The following PTGS1 variants were observed in gnomAD, a reference collection of about 807,000 sequenced individuals.
PTGS1 encodes the protein prostaglandin G/H synthase 1.
PTGS1 carries 40 observed loss-of-function variants against 63.0 expected under a neutral mutation model. That is an observed-to-expected ratio of 0.63 (90% CI 0.49 to 0.83). The LOEUF (loss-of-function observed/expected upper bound fraction) is 0.83. Among genes scored for constraint, PTGS1 ranks in the 40% least tolerant of loss-of-function variants. PTGS1 has a pLI of 0.00. For missense variants in PTGS1, 709 were observed against 786.5 expected, an observed-to-expected ratio of 0.90 and a Z score of 1.18; for synonymous variants, 298 against 301.9, an observed-to-expected ratio of 0.99 and a Z score of 0.13.
At chr9:122,383,164 T>G (rs1333886251) in intron 7 of PTGS1, among the ~76,000 whole-genome samples, 1 of 151,490 alleles carries the variant, frequency 6.6e-6, no homozygotes, top group Non-Finnish European at 1.5e-5. Flanking sequence ...AGTCAGCTCA[T>G]GATGCAAGAT....
chr9:122,386,385 C>A, intron 8 of PTGS1, 61 bp from the exon 9 acceptor site: 1 of 1,567,426 alleles, frequency 6.4e-7, no homozygotes, highest in South Asian at 1.2e-5. Context: ...GCCTGCTTTC[C>A]AAGCTGGGCA....
intron 4 of PTGS1, 26 bp downstream of exon 4, chr9:122,378,599 C>T: frequency 1.2e-6 from 2 of 1,614,024 alleles, no homozygotes; most frequent in Non-Finnish European, 8.5e-7. Flanking sequence ...GGCCCCCTGA[C>T]CTGGGGGAGC....
intron 5 of PTGS1, among the ~76,000 whole-genome samples, chr9:122,380,430 A>G (rs60185476): frequency 0.13 from 20,450 of 151,812 alleles, 1,508 homozygotes; most frequent in African/African-American, 0.17. Context: ...GCGGCACTGC[A>G]CTCTGGCCTG....
chr9:122,381,706 T>G lies in PTGS1; in HGVS notation c.721T>G (p.Tyr241Asp). ...HIYGDNLERQ[Y>D]QLRLFKDGKL... ...TTATGGAGACAATCTGGAGCGTCAG[T>G]ATCAACTGCGGCTCTTTAAGGATGG... The change falls in exon 7 of 11, where the codon TAT becomes GAT. Residue 241 changes from tyrosine to aspartate, a missense_variant. Transcript: ENST00000362012. The G allele has an allele frequency of 6.2e-7, 1 of 1,614,176 alleles. No individual in the cohort carries two copies.
rs1051506925 is a variant in PTGS1 at position 122,393,940 on chromosome 9, C to G, written c.*1396C>G. 1 of 152,250 alleles carries G rather than the reference C, an allele frequency of 6.6e-6. No individual in the cohort carries two copies. Among genetic ancestry groups the G allele is most frequent in the African/African-American group, 2.4e-5 (1 of 41,452 alleles). 9.4% of individuals were successfully genotyped at this position (152,250 alleles called of 1,614,324 possible). A position where few individuals can be genotyped will look rare whatever the true frequency, so the allele number is the denominator to read the frequency against. On this transcript the variant is annotated 3_prime_UTR_variant, in exon 11 of 11. Coordinates refer to ENST00000362012, the MANE Select transcript of PTGS1 (RefSeq NM_000962.4). ...CTAAGTGTTTACTATGTGCCAGTTCCTGTAACAGGTGTGGGGACACAGCAG... is the reference window on the plus strand; with the variant it reads ...CTAAGTGTTTACTATGTGCCAGTTCGTGTAACAGGTGTGGGGACACAGCAG...
At position 122,388,293 on chromosome 9, in the gene PTGS1, G is replaced by A. The variant is rs113788796; in HGVS notation, c.1296+1561G>A. The stretch of plus-strand genomic sequence containing the variant: ...ACTCCTGGGCTCAAGCGATCTGCCC[G>A]CCTAGGCCTCTCAAGGTGCTGGGAT... On this transcript the variant is annotated intron_variant, in intron 9 of 10. Coordinates refer to ENST00000362012, the MANE Select transcript of PTGS1 (RefSeq NM_000962.4). Among the ~76,000 whole-genome samples the A allele has an allele frequency of 5.7e-3, 870 of 152,112 alleles. 8 individuals carry two copies. Among genetic ancestry groups the A allele is most frequent in the Non-Finnish European group, 7.0e-3 (474 of 68,012 alleles).
intron 2 of PTGS1, among the ~76,000 whole-genome samples, chr9:122,377,436 T>G (rs1009363240): frequency 6.6e-5 from 10 of 151,976 alleles, no homozygotes; most frequent in Admixed American, 1.3e-4. Context: ...CTGGGAGAAG[T>G]CCCCGTCCTC....
Position 122,394,474 on chromosome 9 carries a change from C to G in PTGS1, c.*1930C>G, listed in dbSNP as rs184857571. ...GGAATGCAATCCTTCCCTGCTCTTGCAGTTGCTCTGACGTAGAAAGATCCT... is the reference window on the plus strand; with the variant it reads ...GGAATGCAATCCTTCCCTGCTCTTGGAGTTGCTCTGACGTAGAAAGATCCT... On this transcript the variant is annotated 3_prime_UTR_variant, in exon 11 of 11. Coordinates refer to ENST00000362012, the MANE Select transcript of PTGS1 (RefSeq NM_000962.4). The G allele has an allele frequency of 6.6e-6, 1 of 152,336 alleles. No individual in the cohort carries two copies. The highest frequency in any genetic ancestry group is 2.4e-5 in the African/African-American group (1 of 41,576). The allele number at this position is 152,336 out of a possible 1,614,324, so 9.4% of individuals were successfully genotyped here. A position where few individuals can be genotyped will look rare whatever the true frequency, so the allele number is the denominator to read the frequency against.
intron 10 of PTGS1, among the ~76,000 whole-genome samples, chr9:122,391,398 C>CGTGT (rs1564147498): frequency 2.1e-5 from 2 of 93,180 alleles, no homozygotes; most frequent in African/African-American, 7.0e-5. Flanking sequence ...TATATATATA[C>CGTGT]ATATATATAT....
Position 122,375,302 on chromosome 9 carries a change from G to A in PTGS1, c.95-2597G>A, listed in dbSNP as rs374663959. ...CTTGGCAGGGAGGGTGTGGGCAGCC[G>A]TTCCAGCTTCAGCGTCTGGAGCTTG... On this transcript the variant is annotated intron_variant, in intron 2 of 10. Coordinates refer to ENST00000362012, the MANE Select transcript of PTGS1 (RefSeq NM_000962.4). 6.9e-5 allele frequency: 68 copies of A among 985,486 alleles called. No homozygotes were observed. In the South Asian group the frequency reaches 9.4e-4, roughly 14 times the overall value. 61.0% of individuals were successfully genotyped at this position (985,486 alleles called of 1,614,324 possible). A position where few individuals can be genotyped will look rare whatever the true frequency, so the allele number is the denominator to read the frequency against.
In PTGS1 at chr9:122,383,553, T is replaced by A; in HGVS notation, c.807T>A (p.Pro269=). ...ACCCGCCCTCGGTAGAAGAGGCGCC[T>A]GTGTTGATGCACTACCCCCGAGGCA... ...EMYPPSVEEA[P]VLMHYPRGIP... is the part of the protein sequence containing the mutation. The change falls in exon 8 of 11, where the codon CCT becomes CCA. Residue 269 remains proline (P), a synonymous_variant. Coordinates refer to ENST00000362012, the MANE Select transcript of PTGS1 (RefSeq NM_000962.4). 1.2e-6 allele frequency: 2 copies of A among 1,613,816 alleles called. No homozygotes were observed. The highest frequency in any genetic ancestry group is 1.3e-5 in the African/African-American group (1 of 75,010).
intron 2 of PTGS1, chr9:122,375,233 G>A (rs898659659): frequency 6.4e-6 from 6 of 941,164 alleles, no homozygotes; most frequent in African/African-American, 1.8e-5. Context: ...GAAGCTGGAT[G>A]GGCCGGACTG....
chr9:122,382,434 T>G (rs1295291694), intron 7 of PTGS1, among the ~76,000 whole-genome samples: 7 of 152,230 alleles, frequency 4.6e-5, no homozygotes, highest in Admixed American at 4.6e-4. Flanking sequence ...ACTGGAGTGA[T>G]CTAATCTGTA....
intron 5 of PTGS1, among the ~76,000 whole-genome samples, chr9:122,380,836 T>C (rs2119146599): frequency 6.6e-6 from 1 of 152,346 alleles, no homozygotes; most frequent in Admixed American, 6.5e-5. Flanking sequence ...TTTTTAAAGA[T>C]GGAGAAATTG....
chr9:122,381,857 G>A, intron 7 of PTGS1, 110 bp downstream of exon 7: 1 of 1,150,674 alleles, frequency 8.7e-7, no homozygotes, highest in Non-Finnish European at 1.3e-6. Flanking sequence ...GCCAACCACG[G>A]GAGTGGGAAG....
Position 122,377,932 on chromosome 9 carries a change from A to G in PTGS1, c.128A>G (p.Gln43Arg). ...TGTTGTTACTATCCATGCCAGCACC[A>G]GGGCATCTGTGTCCGCTTCGGCCTT... ...NPCCYYPCQH[Q>R]GICVRFGLDR... The change falls in exon 3 of 11, where the codon CAG (glutamine) becomes CGG (arginine). Residue 43 changes from glutamine to arginine, a missense_variant. Gln to Arg is a conservative substitution (Grantham distance 43, BLOSUM62 1). Coordinates refer to ENST00000362012, the MANE Select transcript of PTGS1 (RefSeq NM_000962.4). The G allele has an allele frequency of 6.2e-7, 1 of 1,614,114 alleles. No homozygotes were observed. The highest frequency in any genetic ancestry group is 2.2e-5 in the East Asian group (1 of 44,880).
In PTGS1 at chr9:122,390,242, T is replaced by C. The variant is rs1344793798; in HGVS notation, c.1341T>C (p.Ala447=). ...TGGACCACCACATCCTGCATGTGGC[T>C]GTGGATGTCATCAGGGAGTCTCGGG... ...RNMDHHILHV[A]VDVIRESREM... The change falls in exon 10 of 11, where the codon GCT becomes GCC. Residue 447 remains alanine, a synonymous_variant. Coordinates refer to ENST00000362012, the MANE Select transcript of PTGS1 (RefSeq NM_000962.4). 1 of 1,614,118 alleles carries C rather than the reference T, an allele frequency of 6.2e-7. No individual in the cohort carries two copies. Among genetic ancestry groups the C allele is most frequent in the South Asian group, 1.1e-5 (1 of 91,074 alleles).
Position 122,386,848 on chromosome 9 carries a change from G to A in PTGS1, c.1296+116G>A, listed in dbSNP as rs1837905392. The A allele has an allele frequency of 4.1e-6, 5 of 1,227,426 alleles. No homozygotes were observed. The South Asian group carries it at 7.5e-5, about 18-fold the overall frequency. 76.0% of individuals were successfully genotyped at this position (1,227,426 alleles called of 1,614,324 possible). ...GGGCTGATGTCACTTCTACAGGGCA[G>A]TTGTAAGCATTCCTGTGTGAGTTCA... On this transcript the variant is annotated intron_variant, in intron 9 of 10. Coordinates refer to ENST00000362012, the MANE Select transcript of PTGS1 (RefSeq NM_000962.4).
intron 9 of PTGS1, 129 bp from the exon 10 acceptor site, chr9:122,390,069 G>C: frequency 1.8e-6 from 2 of 1,122,072 alleles, no homozygotes; most frequent in Non-Finnish European, 2.4e-6. Context: ...ACAACTGCTA[G>C]GCTGCCCAAC....
Sources: allele counts gnomAD v4.1 joint callset (sites outside exome capture counted in the v4.1 genomes callset), GRCh38; gene constraint gnomAD v4.1.1; transcripts MANE v1.5; gene names NCBI Gene and HGNC (gene_info 2026-07-23, HGNC 2026-07-21).